Variants in NUP37 observed in about 807,000 individuals in gnomAD.
NUP37 encodes nucleoporin Nup37.
NUP37 carries 33 observed loss-of-function variants against 45.4 expected under a neutral mutation model. The ratio of observed to expected loss-of-function variants is 0.73; its 90% CI spans 0.55 to 0.97. The LOEUF (loss-of-function observed/expected upper bound fraction) is 0.97. Among genes scored for constraint, NUP37 ranks in the 50% least tolerant of loss-of-function variants. The probability of loss-of-function intolerance (pLI) is 0.00; values close to 1 mark genes in which losing one functional copy is unlikely to be tolerated. For missense variants in NUP37, 365 were observed against 389.7 expected (o/e 0.94, Z 0.53); for synonymous variants, 127 against 130.7 (o/e 0.97, Z 0.19).
Position 102,077,478 on chromosome 12 carries a change from G to C in NUP37, c.566C>G (p.Thr189Arg). ...GGCCAAAAGATCATAAAACCGGATT[G>C]TTCCATTCTTCTCTGCAACCATTAG... ...FKLMVAEKNG[T>R]IRFYDLLAQQ... The change falls in exon 7 of 10, where the codon ACA becomes AGA. Residue 189 changes from threonine to arginine, a missense_variant. Coordinates refer to ENST00000552283, the MANE Select transcript of NUP37 (RefSeq NM_024057.4). 1.2e-6 allele frequency: 2 copies of C among 1,613,464 alleles called. No individual in the cohort carries two copies. Among genetic ancestry groups the C allele is most frequent in the South Asian group, 2.2e-5 (2 of 91,074 alleles).
At chr12:102,113,950 C>T (rs946403626) in intron 2 of NUP37, among the ~76,000 whole-genome samples, 10 of 152,122 alleles carry the variant, frequency 6.6e-5, no homozygotes, top group Non-Finnish European at 1.5e-4. Context: ...AATTCAGATA[C>T]CCTTTGAAAA....
At chr12:102,083,271 C>T (rs1879378234) in intron 6 of NUP37, among the ~76,000 whole-genome samples, 1 of 152,184 alleles carries the variant, frequency 6.6e-6, no homozygotes, top group African/African-American at 2.4e-5. Context: ...TTTAAGTAGA[C>T]TCACTGCTCT....
chr12:102,116,101 C>T (rs897528068), intron 2 of NUP37, among the ~76,000 whole-genome samples: 5 of 152,160 alleles, frequency 3.3e-5, no homozygotes, highest in South Asian at 2.1e-4. Context: ...TGAGACAATA[C>T]ATGTGACCAT....
intron 7 of NUP37, 167 bp downstream of exon 7, chr12:102,077,155 T>C: frequency 1.4e-6 from 1 of 692,722 alleles, no homozygotes; most frequent in South Asian, 1.8e-5. Context: ...TAAATCTGCA[T>C]AGCAAGTTTA....
At chr12:102,109,357 C>T (rs1249072228) in intron 3 of NUP37, among the ~76,000 whole-genome samples, 1 of 152,040 alleles carries the variant, frequency 6.6e-6, no homozygotes, top group African/African-American at 2.4e-5. Flanking sequence ...CTGAGTTATA[C>T]CTTAGTCATG....
At chr12:102,117,634 G>A (rs1284977499) in intron 2 of NUP37, among the ~76,000 whole-genome samples, 3 of 152,056 alleles carry the variant, frequency 2.0e-5, no homozygotes, top group Non-Finnish European at 4.4e-5. Context: ...ACCACTGCTC[G>A]TATCAATGAC....
intron 5 of NUP37, among the ~76,000 whole-genome samples, chr12:102,097,672 C>T (rs2136736234): frequency 6.6e-6 from 1 of 152,268 alleles, no homozygotes; most frequent in Middle Eastern, 3.4e-3. Context: ...CATTTTTCCC[C>T]TTTGCAGGTT....
intron 9 of NUP37, 125 bp from the exon 10 acceptor site, chr12:102,074,592 A>C: frequency 3.2e-6 from 2 of 622,454 alleles, no homozygotes; most frequent in Non-Finnish European, 5.6e-6. Flanking sequence ...ATTTAAAAAT[A>C]TGCTCCCTTA....
intron 5 of NUP37, among the ~76,000 whole-genome samples, chr12:102,091,452 C>T (rs993991892): frequency 3.6e-5 from 5 of 137,596 alleles, no homozygotes; most frequent in Non-Finnish European, 6.3e-5. Flanking sequence ...AAAAACCCCA[C>T]AGCCTTCATA....
At chr12:102,111,458 C>T (rs1038645260) in intron 3 of NUP37, among the ~76,000 whole-genome samples, 4 of 152,066 alleles carry the variant, frequency 2.6e-5, no homozygotes, top group Non-Finnish European at 4.4e-5. Context: ...TTAAAAAAAA[C>T]GAAGTTAGCT....
At chr12:102,112,819 T>A (rs1880356472) in intron 2 of NUP37, among the ~76,000 whole-genome samples, 1 of 152,226 alleles carries the variant, frequency 6.6e-6, no homozygotes, top group South Asian at 2.1e-4. Flanking sequence ...TGTCAATGAT[T>A]TTCATGTAGT....
chr12:102,107,423 G>A (rs1880185093), intron 3 of NUP37, among the ~76,000 whole-genome samples: 1 of 151,944 alleles, frequency 6.6e-6, no homozygotes, highest in African/African-American at 2.4e-5. Flanking sequence ...TCTTTCACAA[G>A]TGGACAAGAC....
chr12:102,093,361 TAAG>T (rs929689599), intron 5 of NUP37, among the ~76,000 whole-genome samples: 13 of 152,206 alleles, frequency 8.5e-5, no homozygotes, highest in Middle Eastern at 3.4e-3. Flanking sequence ...ATCACAGAGA[TAAG>T]AAACTGAGGC....
Position 102,118,381 on chromosome 12 carries a change from A to C in NUP37, c.138T>G (p.Ile46Met). Residue 46 changes from isoleucine to methionine, a missense_variant, in exon 2 of 10, where the codon ATT (isoleucine) becomes ATG (methionine). Physicochemically the swap from Ile to Met is conservative, Grantham distance 10 (BLOSUM62 1). Coordinates refer to ENST00000552283, the MANE Select transcript of NUP37 (RefSeq NM_024057.4). ...IAYGGNNYVV[I>M]GTCTFQEEEA... is the part of the protein sequence containing the mutation. ...GACTAACCTGAAACGTACACGTGCCAATGACCACATAATTATTGCCACCAT... is the reference window on the plus strand; with the variant it reads ...GACTAACCTGAAACGTACACGTGCCCATGACCACATAATTATTGCCACCAT... 6.2e-7 allele frequency: 1 copy of C among 1,613,760 alleles called. No homozygotes were observed. Among genetic ancestry groups the C allele is most frequent in the Non-Finnish European group, 8.5e-7 (1 of 1,179,858 alleles).
At chr12:102,099,780 T>A (rs1879919780) in intron 4 of NUP37, among the ~76,000 whole-genome samples, 1 of 152,130 alleles carries the variant, frequency 6.6e-6, no homozygotes, top group South Asian at 2.1e-4. Context: ...AGTTGCACAG[T>A]GGAGGACTGT....
At chr12:102,102,416 GTC>G (rs1879999255) in intron 3 of NUP37, among the ~76,000 whole-genome samples, 1 of 152,174 alleles carries the variant, frequency 6.6e-6, no homozygotes, top group Non-Finnish European at 1.5e-5. Flanking sequence ...TTCAAGAAAT[GTC>G]TGTCTACTCA....
At chr12:102,118,118 T>C (rs1174415024) in intron 2 of NUP37, among the ~76,000 whole-genome samples, 3 of 152,230 alleles carry the variant, frequency 2.0e-5, no homozygotes, top group African/African-American at 7.2e-5. Flanking sequence ...CCTTCACTTA[T>C]CAGAATATTC....
chr12:102,074,906 C>G, intron 9 of NUP37, 95 bp downstream of exon 9: 1 of 642,216 alleles, frequency 1.6e-6, no homozygotes, highest in Non-Finnish European at 2.5e-6. Flanking sequence ...TGTCTTCAGT[C>G]AACAAATTAC....
intron 5 of NUP37, among the ~76,000 whole-genome samples, chr12:102,098,570 C>T (rs1008209743): frequency 4.6e-5 from 7 of 151,584 alleles, no homozygotes; most frequent in African/African-American, 1.5e-4. Flanking sequence ...GTCGCTATGC[C>T]ACCCAGGCTG....
Sources: gnomAD v4.1 joint callset for allele counts (sites outside exome capture counted in the v4.1 genomes callset) on GRCh38, gnomAD v4.1.1 for gene constraint, MANE v1.5 for transcripts, NCBI Gene and HGNC (gene_info 2026-07-23, HGNC 2026-07-21) for gene names.